The following ATF7IP variants were observed in gnomAD, a reference collection of about 807,000 sequenced individuals.
The protein encoded by ATF7IP is activating transcription factor 7-interacting protein 1.
Under a neutral mutation model 106.4 loss-of-function variants are expected in ATF7IP, and 23 were observed. The ratio of observed to expected loss-of-function variants is 0.22; its 90% CI spans 0.16 to 0.31. The LOEUF is 0.31. ATF7IP is among the 10% of genes least tolerant of loss of function. ATF7IP has a pLI of 1.00. For synonymous variants in ATF7IP, 542 were observed against 539.0 expected (o/e 1.01, Z -0.08); for missense variants, 1,334 against 1,524.3 (o/e 0.88, Z 2.08).
chr12:14,376,636 A>G (rs1401157255), intron 1 of ATF7IP, among the ~76,000 whole-genome samples: 2 of 152,210 alleles, frequency 1.3e-5, no homozygotes, highest in Admixed American at 6.5e-5. Flanking sequence ...TGCAGTACCT[A>G]TAATTGTAGG....
Position 14,442,402 on chromosome 12 carries a change from G to A in ATF7IP, c.1929+4135G>A, listed in dbSNP as rs1450625237. 2.0e-5 allele frequency among the ~76,000 whole-genome samples: 3 copies of A among 152,270 alleles called. No individual in the cohort carries two copies. The South Asian group carries it at 6.2e-4, about 32-fold the overall frequency. On this transcript the variant is annotated intron_variant, in intron 5 of 14. Coordinates refer to ENST00000261168, the MANE Select transcript of ATF7IP (RefSeq NM_018179.5). ...CATTTTGCTGCCTGTTTTGCAATGT[G>A]TACATAGTTCAGCCTGATTCTGCCC...
intron 12 of ATF7IP, among the ~76,000 whole-genome samples, chr12:14,478,820 G>A (rs1944343420): frequency 6.6e-6 from 1 of 152,106 alleles, no homozygotes; most frequent in African/African-American, 2.4e-5. Flanking sequence ...GTGTTAACAG[G>A]TGTTTCATGA....
intron 6 of ATF7IP, among the ~76,000 whole-genome samples, chr12:14,452,330 AT>A (rs1943237218): frequency 6.6e-6 from 1 of 152,066 alleles, no homozygotes; most frequent in Non-Finnish European, 1.5e-5. Context: ...AATTTTATCC[AT>A]TTGCATTTAA....
At chr12:14,451,323 GA>G (rs1460360891) in intron 6 of ATF7IP, among the ~76,000 whole-genome samples, 4 of 151,508 alleles carry the variant, frequency 2.6e-5, no homozygotes, top group Non-Finnish European at 4.4e-5. Context: ...CAATTTTGCT[GA>G]TTTTTTTTAA....
At chr12:14,492,873 G>C (rs1266065312) in intron 13 of ATF7IP, among the ~76,000 whole-genome samples, 1 of 152,090 alleles carries the variant, frequency 6.6e-6, no homozygotes, top group African/African-American at 2.4e-5. Flanking sequence ...GCAATTAGAG[G>C]GCTCTTCAGA....
chr12:14,365,861 A>G (rs563689355), intron 1 of ATF7IP, 34 bp downstream of exon 1: 7 of 152,776 alleles, frequency 4.6e-5, no homozygotes, highest in Admixed American at 1.3e-4. Flanking sequence ...TTAAAACCAC[A>G]TTTTCTTAAA....
At chr12:14,462,512 A>G (rs1943680989) in intron 9 of ATF7IP, among the ~76,000 whole-genome samples, 1 of 152,046 alleles carries the variant, frequency 6.6e-6, no homozygotes, top group Non-Finnish European at 1.5e-5. Flanking sequence ...GAGATGAGAT[A>G]TATTCTTAAA....
intron 6 of ATF7IP, 66 bp downstream of exon 6, chr12:14,447,119 A>G: frequency 7.9e-7 from 1 of 1,265,636 alleles, no homozygotes; most frequent in Non-Finnish European, 1.1e-6. Flanking sequence ...GAAATGCTGA[A>G]TTAGGAGGAA....
chr12:14,448,207 T>G (rs1943060153), intron 6 of ATF7IP, among the ~76,000 whole-genome samples: 1 of 152,184 alleles, frequency 6.6e-6, no homozygotes, highest in Non-Finnish European at 1.5e-5. Flanking sequence ...TGTTCATATA[T>G]TCTTTCCTGT....
chr12:14,440,673 A>G (rs1054581662), intron 5 of ATF7IP, among the ~76,000 whole-genome samples: 1 of 152,202 alleles, frequency 6.6e-6, no homozygotes. Flanking sequence ...ATTGTTATTT[A>G]GTACATTCAC....
intron 5 of ATF7IP, among the ~76,000 whole-genome samples, chr12:14,446,661 C>T (rs1443023408): frequency 6.6e-6 from 1 of 151,994 alleles, no homozygotes; most frequent in Non-Finnish European, 1.5e-5. Context: ...GTGATTACAA[C>T]TGTGTTAAAA....
intron 2 of ATF7IP, among the ~76,000 whole-genome samples, chr12:14,426,560 C>G (rs1941855757): frequency 7.3e-6 from 1 of 136,868 alleles, no homozygotes; most frequent in South Asian, 2.3e-4. Context: ...GGTAAGGTGG[C>G]TCACACCTAT....
intron 13 of ATF7IP, chr12:14,482,494 A>G (rs1039249925): frequency 6.6e-6 from 1 of 152,152 alleles, no homozygotes; most frequent in African/African-American, 2.4e-5. Context: ...TCTCCATTTC[A>G]TGTTTTTCTG....
At chr12:14,450,933 G>A (rs959591693) in intron 6 of ATF7IP, among the ~76,000 whole-genome samples, 25 of 152,000 alleles carry the variant, frequency 1.6e-4, no homozygotes, top group African/African-American at 5.5e-4. Context: ...GCACCACCAC[G>A]TCTGGCTAAT....
chr12:14,393,840 T>G (rs1939701620), intron 1 of ATF7IP, among the ~76,000 whole-genome samples: 1 of 152,078 alleles, frequency 6.6e-6, no homozygotes. Context: ...TAGTAGATAA[T>G]AAATTAACTA....
intron 6 of ATF7IP, among the ~76,000 whole-genome samples, chr12:14,454,360 A>G (rs777454687): frequency 2.6e-5 from 4 of 152,116 alleles, no homozygotes; most frequent in Non-Finnish European, 5.9e-5. Flanking sequence ...CTGGTGCTCT[A>G]TCAAGTTGAG....
intron 13 of ATF7IP, chr12:14,482,559 G>C (rs1017806251): frequency 6.6e-6 from 1 of 152,156 alleles, no homozygotes; most frequent in African/African-American, 2.4e-5. Context: ...ATTAAAGGTG[G>C]ATCTGCCTTC....
intron 13 of ATF7IP, among the ~76,000 whole-genome samples, chr12:14,494,801 C>T (rs975857818): frequency 4.6e-5 from 7 of 151,442 alleles, no homozygotes; most frequent in Non-Finnish European, 8.8e-5. Flanking sequence ...GGTGTGGTGG[C>T]ACAAGCCTGT....
intron 6 of ATF7IP, among the ~76,000 whole-genome samples, chr12:14,453,629 C>CTT (rs35691070): frequency 6.9e-6 from 1 of 145,910 alleles, no homozygotes; most frequent in Non-Finnish European, 1.5e-5. Context: ...AATTGAGTAT[C>CTT]TTTTTTTTTT....
Sources: gnomAD v4.1 joint callset for allele counts (sites outside exome capture counted in the v4.1 genomes callset) on GRCh38, gnomAD v4.1.1 for gene constraint, MANE v1.5 for transcripts, NCBI Gene and HGNC (gene_info 2026-07-23, HGNC 2026-07-21) for gene names.